The following DSCAM variants were observed in gnomAD, a reference collection of about 807,000 sequenced individuals.
DSCAM encodes DS cell adhesion molecule.
A neutral mutation model predicts 217.7 loss-of-function variants in DSCAM; 47 were observed. The ratio of observed to expected loss-of-function variants is 0.22; its 90% CI spans 0.17 to 0.28. The LOEUF (loss-of-function observed/expected upper bound fraction) is 0.28, where lower values mean the gene tolerates loss of function less well. Among genes scored for constraint, DSCAM ranks in the 10% least tolerant of loss-of-function variants. The pLI, the probability that DSCAM is intolerant of heterozygous loss-of-function variation, is 1.00. For missense variants in DSCAM, 2,080 were observed against 2,618.3 expected (o/e 0.79, Z 4.49); for synonymous variants, 1,056 against 1,015.3 (o/e 1.04, Z -0.76).
chr21:40,391,773 T>G (rs1049394895), intron 3 of DSCAM, among the ~76,000 whole-genome samples: 1 of 152,232 alleles, frequency 6.6e-6, no homozygotes, highest in African/African-American at 2.4e-5. Context: ...TTATCGGAAA[T>G]TTCTCGTTGC....
chr21:40,750,416 C>A (rs2091216569), intron 1 of DSCAM, among the ~76,000 whole-genome samples: 1 of 152,180 alleles, frequency 6.6e-6, no homozygotes, highest in South Asian at 2.1e-4. Context: ...TTTTCTAAGT[C>A]TCTGTTGCTG....
At chr21:40,832,432 A>G (rs1389554108) in intron 1 of DSCAM, among the ~76,000 whole-genome samples, 1 of 152,164 alleles carries the variant, frequency 6.6e-6, no homozygotes, top group African/African-American at 2.4e-5. Context: ...AAGCAAACCA[A>G]GAGATTTTCA....
At chr21:40,453,712 T>C (rs1025310598) in intron 3 of DSCAM, among the ~76,000 whole-genome samples, 1 of 152,212 alleles carries the variant, frequency 6.6e-6, no homozygotes, top group Non-Finnish European at 1.5e-5. Flanking sequence ...ACAGATAATA[T>C]TCAATTAAGA....
chr21:40,773,449 TAGA>T (rs1165237974), intron 1 of DSCAM, among the ~76,000 whole-genome samples: 2 of 152,134 alleles, frequency 1.3e-5, no homozygotes, highest in African/African-American at 2.4e-5. Flanking sequence ...TCCTCTCTCT[TAGA>T]AGGACACCAG....
At chr21:40,702,168 T>A (rs1234401019) in intron 2 of DSCAM, among the ~76,000 whole-genome samples, 1 of 152,162 alleles carries the variant, frequency 6.6e-6, no homozygotes, top group African/African-American at 2.4e-5. Context: ...CCCCTTTACA[T>A]TATGAAATGA....
chr21:40,780,084 T>C (rs1177404890), intron 1 of DSCAM, among the ~76,000 whole-genome samples: 1 of 152,126 alleles, frequency 6.6e-6, no homozygotes, highest in Non-Finnish European at 1.5e-5. Flanking sequence ...ATTATAACAA[T>C]CGCAGATGTA....
intron 1 of DSCAM, among the ~76,000 whole-genome samples, chr21:40,719,477 A>C (rs1287291029): frequency 6.6e-6 from 1 of 152,228 alleles, no homozygotes; most frequent in Non-Finnish European, 1.5e-5. Context: ...GCACATGCAT[A>C]TGTCCATCAA....
At chr21:40,793,635 C>T (rs1465412648) in intron 1 of DSCAM, among the ~76,000 whole-genome samples, 4 of 151,884 alleles carry the variant, frequency 2.6e-5, no homozygotes, top group Admixed American at 6.6e-5. Context: ...GGACTACAGA[C>T]GCACGCCACC....
chr21:40,611,057 A>ATT (rs527262141), intron 3 of DSCAM, among the ~76,000 whole-genome samples: 48 of 129,776 alleles, frequency 3.7e-4, no homozygotes, highest in Middle Eastern at 4.4e-3. Context: ...TTAGTTTTCA[A>ATT]TTTTTTTTTT....
intron 1 of DSCAM, among the ~76,000 whole-genome samples, chr21:40,721,788 T>C (rs2090903203): frequency 6.6e-6 from 1 of 152,070 alleles, no homozygotes; most frequent in Admixed American, 6.5e-5. Flanking sequence ...CAAACTTTAA[T>C]GAACACTAGA....
chr21:40,339,287 T>C lies in DSCAM; in HGVS notation c.1339A>G (p.Ile447Val), dbSNP rs747762065. 6 of 1,614,038 alleles carry C rather than the reference T, an allele frequency of 3.7e-6. No individual in the cohort carries two copies. Among genetic ancestry groups the C allele is most frequent in the Non-Finnish European group, 5.1e-6 (6 of 1,180,040 alleles). ...ATGCGGTGACTGCCACCCTTGAGAA[T>C]CGGGTCATCGTCCAGGGTCCACGTG... ...TITWTLDDDPILKGGSHRISQ... is the reference protein window; with the variant it reads ...TITWTLDDDPVLKGGSHRISQ... The change falls in exon 7 of 33, where the codon ATT (isoleucine) becomes GTT (valine). Residue 447 changes from isoleucine to valine, a missense_variant. Around this residue, in one of 5 missense-constraint regions of DSCAM, gnomAD observed 568 missense variants for 678.1 expected, o/e 0.84. Coordinates refer to ENST00000400454, the MANE Select transcript of DSCAM (RefSeq NM_001389.5).
At chr21:40,637,421 AT>A (rs1444658210) in intron 3 of DSCAM, among the ~76,000 whole-genome samples, 147 of 2,566 alleles carry the variant, frequency 0.057, 52 homozygotes, top group African/African-American at 0.26. Context: ...AAATATATAT[AT>A]AAATATATAA....
chr21:40,720,485 T>C (rs894137330), intron 1 of DSCAM, among the ~76,000 whole-genome samples: 2 of 152,216 alleles, frequency 1.3e-5, no homozygotes, highest in South Asian at 2.1e-4. Context: ...TCATATGTTA[T>C]AGCAATTTTG....
chr21:40,537,693 A>C (rs1031927327), intron 3 of DSCAM, among the ~76,000 whole-genome samples: 1 of 152,184 alleles, frequency 6.6e-6, no homozygotes, highest in African/African-American at 2.4e-5. Context: ...CCCTGAGATG[A>C]TGAAGGCAGA....
intron 15 of DSCAM, among the ~76,000 whole-genome samples, chr21:40,176,134 C>T (rs2090727136): frequency 1.3e-5 from 2 of 152,002 alleles, no homozygotes; most frequent in Non-Finnish European, 2.9e-5. Flanking sequence ...AAAGGCATTG[C>T]ACCAGGGAGG....
At position 40,051,960 on chromosome 21, in the gene DSCAM, G is replaced by C. The variant is rs767893246; in HGVS notation, c.5183C>G (p.Thr1728Arg). ...LVDVSDARPGTNPTTRRNAKA... is the reference protein window; with the variant it reads ...LVDVSDARPGRNPTTRRNAKA... ...TTTAAGCATTGTTGACCACTCACTC[G>C]TTCCCGGCCGAGCGTCTGAAACATC... The change falls in exon 30 of 33, where the codon ACG becomes AGG. Residue 1728 changes from threonine (T) to arginine (R), a missense_variant and splice_region_variant. Thr to Arg is a moderately conservative substitution (Grantham distance 71, BLOSUM62 -1). Around this residue, in one of 5 missense-constraint regions of DSCAM, gnomAD observed 1,144 missense variants for 1,421.1 expected, o/e 0.81. Coordinates refer to ENST00000400454, the MANE Select transcript of DSCAM (RefSeq NM_001389.5). 1 of 1,611,594 alleles carries C rather than the reference G, an allele frequency of 6.2e-7. No homozygotes were observed. Among genetic ancestry groups the C allele is most frequent in the Non-Finnish European group, 8.5e-7 (1 of 1,179,074 alleles).
At chr21:40,242,524 C>T (rs62223763) in intron 11 of DSCAM, among the ~76,000 whole-genome samples, 214 of 152,294 alleles carry the variant, frequency 1.4e-3, no homozygotes, top group Non-Finnish European at 2.6e-3. Flanking sequence ...AGCCAATGAG[C>T]TGTGAGCAGA....
chr21:40,436,052 G>T (rs560460058), intron 3 of DSCAM, among the ~76,000 whole-genome samples: 2 of 152,212 alleles, frequency 1.3e-5, no homozygotes, highest in South Asian at 4.2e-4. Context: ...GAGTGTTTGA[G>T]GTAGGCTAAG....
intron 3 of DSCAM, among the ~76,000 whole-genome samples, chr21:40,474,197 G>T (rs2075913809): frequency 6.6e-6 from 1 of 152,138 alleles, no homozygotes; most frequent in Non-Finnish European, 1.5e-5. Flanking sequence ...GGAGGCTGAG[G>T]CAGGAGAATC....
Sources: gnomAD v4.1 joint callset for allele counts (sites outside exome capture counted in the v4.1 genomes callset) on GRCh38, gnomAD v4.1.1 for gene constraint, gnomAD v4.1.1 regional missense constraint, MANE v1.5 for transcripts, NCBI Gene and HGNC (gene_info 2026-07-23, HGNC 2026-07-21) for gene names.